TRPM8: variants seen among roughly 807,000 people sequenced by gnomAD.
TRPM8 encodes the protein TRPM8 cationic channel.
TRPM8 carries 110 observed loss-of-function variants against 133.7 expected under a neutral mutation model. The observed-to-expected ratio is 0.82, with a 90% confidence interval of 0.70 to 0.96. The LOEUF (loss-of-function observed/expected upper bound fraction) is 0.96. TRPM8 is among the 40% of genes least tolerant of loss of function. The pLI is 0.00. For synonymous variants in TRPM8, 535 were observed against 532.3 expected (o/e 1.01, Z -0.07); for missense variants, 1,291 against 1,379.5 (o/e 0.94, Z 1.02).
chr2:233,969,011 T>C (rs2125218183), intron 15 of TRPM8, among the ~76,000 whole-genome samples: 1 of 152,250 alleles, frequency 6.6e-6, no homozygotes, highest in African/African-American at 2.4e-5. Context: ...CAGGTAGTAC[T>C]GGCTGTGCCT....
rs188545335 is a variant in TRPM8 at position 233,926,526 on chromosome 2, G to A, written c.-5-7G>A. The A allele has an allele frequency of 7.4e-4, 1,192 of 1,610,114 alleles. 6 individuals are homozygous for A. The East Asian group carries it at 0.01, about 14-fold the overall frequency. Reference sequence around the variant, plus strand: ...CCCAAACTTATCCCCTCCAACCATCGTCACAGAAAAGATGTCCTTTCGGGC... The same window carrying A: ...CCCAAACTTATCCCCTCCAACCATCATCACAGAAAAGATGTCCTTTCGGGC... On this transcript the variant is annotated splice_region_variant and splice_polypyrimidine_tract_variant and intron_variant, in intron 1 of 25. Transcript: ENST00000324695.
chr2:233,983,977 T>C (rs188959895), intron 20 of TRPM8, among the ~76,000 whole-genome samples: 1 of 152,308 alleles, frequency 6.6e-6, no homozygotes, highest in East Asian at 1.9e-4. Flanking sequence ...AACAGCTCTT[T>C]TCCCCTGCAG....
chr2:234,005,829 T>C (rs1216588197), intron 22 of TRPM8, among the ~76,000 whole-genome samples: 1 of 151,848 alleles, frequency 6.6e-6, no homozygotes, highest in Non-Finnish European at 1.5e-5. Context: ...GAGAATCGCT[T>C]GAACCTAGGA....
At chr2:234,007,219 G>A (rs376845047) in intron 23 of TRPM8, among the ~76,000 whole-genome samples, 1 of 152,146 alleles carries the variant, frequency 6.6e-6, no homozygotes, top group African/African-American at 2.4e-5. Flanking sequence ...TGCAGTGCAG[G>A]GCCATGGAAC....
chr2:233,972,873 A>C (rs576098977), intron 17 of TRPM8, among the ~76,000 whole-genome samples: 6 of 152,174 alleles, frequency 3.9e-5, no homozygotes, highest in Non-Finnish European at 8.8e-5. Context: ...CTGCAAGCTG[A>C]GGGTGCCAGC....
chr2:233,943,854 G>A (rs2125108221), intron 6 of TRPM8, among the ~76,000 whole-genome samples: 1 of 152,328 alleles, frequency 6.6e-6, no homozygotes, highest in East Asian at 1.9e-4. Flanking sequence ...GGGCTCCTTA[G>A]AAGCGGCAAA....
intron 1 of TRPM8, among the ~76,000 whole-genome samples, chr2:233,917,952 C>A (rs1026668641): frequency 2.6e-5 from 4 of 152,118 alleles, no homozygotes; most frequent in Non-Finnish European, 5.9e-5. Context: ...ACTGTGTTTC[C>A]TTCCGTTCTT....
chr2:234,008,148 C>G, intron 24 of TRPM8, 45 bp downstream of exon 24: 1 of 1,544,360 alleles, frequency 6.5e-7, no homozygotes, highest in Non-Finnish European at 8.7e-7. Context: ...TTTTTGGTCA[C>G]TAATACTTTG....
At chr2:233,958,695 C>A (rs1691353927) in intron 11 of TRPM8, among the ~76,000 whole-genome samples, 1 of 152,188 alleles carries the variant, frequency 6.6e-6, no homozygotes, top group Admixed American at 6.5e-5. Context: ...CCAGAGGTAG[C>A]CCCCTCTTCC....
Position 234,006,859 on chromosome 2 carries a change from A to G in TRPM8, c.3137A>G (p.Lys1046Arg), listed in dbSNP as rs1384754880. The change falls in exon 23 of 26, where the codon AAA becomes AGA. Residue 1046 changes from lysine to arginine, a missense_variant. Lys to Arg is a conservative substitution (Grantham distance 26, BLOSUM62 2). Around this residue, in one of 2 missense-constraint regions of TRPM8, gnomAD observed 328 missense variants for 410.6 expected, o/e 0.80. Coordinates refer to ENST00000324695, the MANE Select transcript of TRPM8 (RefSeq NM_024080.5). ...CTTTTTCTCATTATTCAAGGTTTCA[A>G]AAATGAAGACAATGAGACTCTGGCA... ...KNMESSVCCF[K>R]NEDNETLAWE... 6 of 1,612,352 alleles carry G rather than the reference A, an allele frequency of 3.7e-6. No individual in the cohort carries two copies. Among genetic ancestry groups the G allele is most frequent in the East Asian group, 4.5e-5 (2 of 44,866 alleles).
intron 22 of TRPM8, among the ~76,000 whole-genome samples, chr2:234,003,836 C>T (rs553520878): frequency 6.6e-6 from 1 of 152,214 alleles, no homozygotes; most frequent in South Asian, 2.1e-4. Flanking sequence ...GGAGGAGGGG[C>T]TGCATGGGAT....
chr2:233,968,639 T>C (rs2125216142), intron 15 of TRPM8, among the ~76,000 whole-genome samples: 1 of 152,104 alleles, frequency 6.6e-6, no homozygotes, highest in Admixed American at 6.5e-5. Flanking sequence ...TGCATGTCAG[T>C]CCCAGCCCTC....
rs1342159629 is a variant in TRPM8 at position 234,019,438 on chromosome 2, T to C, written c.*2182T>C. On this transcript the variant is annotated 3_prime_UTR_variant, in exon 26 of 26. Coordinates refer to ENST00000324695, the MANE Select transcript of TRPM8 (RefSeq NM_024080.5). ...ATGTCCTTGTGTATGGTACTAAATGTGTCCTGTGTACTTTTGCACAACTGA... is the reference window on the plus strand; with the variant it reads ...ATGTCCTTGTGTATGGTACTAAATGCGTCCTGTGTACTTTTGCACAACTGA... 6.6e-6 allele frequency: 1 copy of C among 152,250 alleles called. No individual in the cohort carries two copies. Among genetic ancestry groups the C allele is most frequent in the Admixed American group, 6.5e-5 (1 of 15,286 alleles). 9.4% of individuals were successfully genotyped at this position (152,250 alleles called of 1,614,324 possible).
chr2:233,964,797 T>C, intron 14 of TRPM8, 40 bp downstream of exon 14: 1 of 1,561,206 alleles, frequency 6.4e-7, no homozygotes. Flanking sequence ...GGCGCGGATC[T>C]GCCATGTGGC....
intron 2 of TRPM8, among the ~76,000 whole-genome samples, chr2:233,927,882 C>CTT (rs1189928587): frequency 4.4e-5 from 3 of 67,908 alleles, no homozygotes; most frequent in Non-Finnish European, 7.2e-5. Flanking sequence ...TTCTTTCTTT[C>CTT]TTTCTTTCTT....
intron 22 of TRPM8, among the ~76,000 whole-genome samples, chr2:234,003,549 G>T (rs1438545448): frequency 2.0e-5 from 3 of 152,176 alleles, no homozygotes; most frequent in Non-Finnish European, 4.4e-5. Context: ...ACTCTCATTG[G>T]TTCTGTCTTG....
In TRPM8 at chr2:233,927,858, T is replaced by TCC. The variant is rs1265192782; in HGVS notation, c.117+1204_117+1205insCC. Among the ~76,000 whole-genome samples the TCC allele has an allele frequency of 1.6e-4, 7 of 44,174 alleles. 1 individual carries two copies. The highest frequency in any genetic ancestry group is 2.0e-3 in the East Asian group (2 of 998). 29.0% of individuals were successfully genotyped at this position (44,174 alleles called of 152,430 possible). ...TTCCTTCCTTCCTTCCTTCCTTTCT[T>TCC]TCTCTTTCTTTCTTTCTTTCTTTCT... On this transcript the variant is annotated intron_variant, in intron 2 of 25. Coordinates refer to ENST00000324695, the MANE Select transcript of TRPM8 (RefSeq NM_024080.5).
At chr2:233,955,847 C>G (rs1691281509) in intron 11 of TRPM8, among the ~76,000 whole-genome samples, 2 of 152,186 alleles carry the variant, frequency 1.3e-5, no homozygotes, top group Non-Finnish European at 2.9e-5. Flanking sequence ...CACCAGCTCC[C>G]CATTGCTCAC....
intron 25 of TRPM8, 129 bp downstream of exon 25, chr2:234,014,783 G>GCAAA (rs1553672892): frequency 7.4e-6 from 2 of 271,508 alleles, no homozygotes; most frequent in African/African-American, 1.9e-4. Flanking sequence ...AATGCATTGT[G>GCAAA]CAAAAAAAAA....
Sources: allele counts gnomAD v4.1 joint callset (sites outside exome capture counted in the v4.1 genomes callset), GRCh38; gene constraint gnomAD v4.1.1; regional missense constraint gnomAD v4.1.1; transcripts MANE v1.5; gene names NCBI Gene and HGNC (gene_info 2026-07-23, HGNC 2026-07-21).